The following ANK2 variants were observed in gnomAD, a reference collection of about 807,000 sequenced individuals.
ANK2 encodes ankyrin-2.
In ANK2, 83 loss-of-function variants were observed where a neutral mutation model predicts 360.5. The ratio of observed to expected loss-of-function variants is 0.23; its 90% CI spans 0.19 to 0.28. The LOEUF is 0.28. ANK2 is among the 10% of genes least tolerant of loss of function. ANK2 has a pLI of 1.00. For missense variants in ANK2, 4,201 were observed against 4,795.7 expected (o/e 0.88, Z 3.66); for synonymous variants, 1,740 against 1,759.5 (o/e 0.99, Z 0.28).
chr4:113,135,133 G>A (rs1236047173), intron 1 of ANK2, among the ~76,000 whole-genome samples: 3 of 151,842 alleles, frequency 2.0e-5, no homozygotes, highest in African/African-American at 4.9e-5. Flanking sequence ...GATAACTGTG[G>A]GGTGTTTTTG....
At position 113,345,962 on chromosome 4, in the gene ANK2, G is replaced by A. The variant is rs374770898; in HGVS notation, c.4311G>A (p.Thr1437=). The change falls in exon 35 of 46, where the codon ACG becomes ACA. Residue 1437 remains threonine, a synonymous_variant. Coordinates refer to ENST00000357077, the MANE Select transcript of ANK2 (RefSeq NM_001148.6). ...RLSFMKEPKS[T]RGLVHQAICN... ...CATTTATGAAGGAGCCAAAATCCAC[G>A]AGAGGCCTGGTGCATCAAGCTATTT... is the stretch of plus-strand genomic sequence containing the variant. 88 of 1,613,652 alleles carry A rather than the reference G, an allele frequency of 5.5e-5. No homozygotes were observed. The African/African-American group carries it at 5.9e-4, about 11-fold the overall frequency.
At chr4:112,799,867 A>G in the ANK2 span, among the ~76,000 whole-genome samples, 1 of 150,056 alleles carries the variant, frequency 6.7e-6, no homozygotes, top group South Asian at 2.1e-4. Flanking sequence ...AAATGTGTAA[A>G]GCAGTAGATT....
chr4:112,725,298 A>AC, the ANK2 span, among the ~76,000 whole-genome samples: 1 of 150,068 alleles, frequency 6.7e-6, no homozygotes, highest in African/African-American at 2.4e-5. Flanking sequence ...AAAAAAAAAA[A>AC]AAAACAGGAA....
rs78571992 is a variant in ANK2 at position 112,947,400 on chromosome 4, C to T, written c.21+42886C>T. On this transcript the variant is annotated intron_variant, in intron 2 of 30. Coordinates refer to the ANK2 transcript ENST00000503271. ...TCCATAAGCTTAAAGTTTGGAAAAG[C>T]GAAGCATGCAGGCATCTGGACCAAA... Among the ~76,000 whole-genome samples the T allele has an allele frequency of 7.7e-3, 1,175 of 152,116 alleles. 25 individuals are homozygous for T. Among genetic ancestry groups the T allele is most frequent in the East Asian group, 0.066 (344 of 5,174 alleles).
chr4:112,897,739 ATTCCCCTT>A, intron 1 of ANK2, among the ~76,000 whole-genome samples: 2 of 152,222 alleles, frequency 1.3e-5, no homozygotes, highest in Middle Eastern at 3.4e-3. Context: ...AGGCATTGCA[ATTCCCCTT>A]GCTCACCGTT....
chr4:113,088,941 T>C (rs2086306044), intron 1 of ANK2, among the ~76,000 whole-genome samples: 1 of 152,232 alleles, frequency 6.6e-6, no homozygotes, highest in Admixed American at 6.5e-5. Context: ...AGTTCTGCTC[T>C]AGTTAATTAT....
Position 113,354,374 on chromosome 4 carries a change from C to A in ANK2, c.5756C>A (p.Ser1919Tyr), listed in dbSNP as rs772992761. ...GACAAACGTCCACCTGTATCGCCCT[C>A]CGGGAGGACAGAAAAACACCCGCCA... ...KTDKRPPVSP[S>Y]GRTEKHPPVS... is the part of the protein sequence containing the mutation. Residue 1919 changes from serine (S) to tyrosine (Y), a missense_variant, in exon 38 of 46, where the codon TCC (serine) becomes TAC (tyrosine). Ser to Tyr is a moderately radical substitution (Grantham distance 144). Coordinates refer to ENST00000357077, the MANE Select transcript of ANK2 (RefSeq NM_001148.6). The A allele has an allele frequency of 3.7e-6, 6 of 1,613,944 alleles. No homozygotes were observed.
At chr4:112,992,432 C>G (rs555561966) in intron 2 of ANK2, among the ~76,000 whole-genome samples, 134 of 152,322 alleles carry the variant, frequency 8.8e-4, no homozygotes, top group African/African-American at 3.1e-3. Flanking sequence ...GTGTGAGCCA[C>G]AACGCCTGGC....
intron 1 of ANK2, among the ~76,000 whole-genome samples, chr4:112,842,486 C>T (rs540900547): frequency 6.6e-6 from 1 of 152,294 alleles, no homozygotes; most frequent in Admixed American, 6.5e-5. Context: ...TCATGGAAGA[C>T]AATTTTTGCA....
chr4:113,007,822 A>G (rs1561513190), intron 2 of ANK2, among the ~76,000 whole-genome samples: 2 of 152,184 alleles, frequency 1.3e-5, no homozygotes, highest in African/African-American at 4.8e-5. Flanking sequence ...AACAAAAGCT[A>G]GTATTGGAGT....
At chr4:113,026,745 G>A (rs2059366623) in intron 2 of ANK2, among the ~76,000 whole-genome samples, 2 of 152,180 alleles carry the variant, frequency 1.3e-5, no homozygotes, top group Admixed American at 1.3e-4. Flanking sequence ...GCAGGACGAT[G>A]AGTAATCAAG....
chr4:113,100,248 A>T (rs991173888), intron 1 of ANK2, among the ~76,000 whole-genome samples: 1 of 152,108 alleles, frequency 6.6e-6, no homozygotes, highest in Non-Finnish European at 1.5e-5. Context: ...TGTAGCCATT[A>T]TATACAAAGA....
chr4:113,333,006 TGTTA>T (rs2153941223), intron 28 of ANK2, 44 bp from the exon 29 acceptor site: 1 of 1,613,316 alleles, frequency 6.2e-7, no homozygotes, highest in Non-Finnish European at 8.5e-7. Flanking sequence ...CTTGTCTTGC[TGTTA>T]GTTAGCTCCT....
intron 1 of ANK2, among the ~76,000 whole-genome samples, chr4:113,106,584 A>G (rs756433051): frequency 1.4e-4 from 21 of 152,202 alleles, no homozygotes; most frequent in Non-Finnish European, 2.8e-4. Flanking sequence ...TGGAAAATAT[A>G]TAAGCAGAAT....
chr4:113,137,033 C>A (rs2096452295), intron 1 of ANK2, among the ~76,000 whole-genome samples: 2 of 152,142 alleles, frequency 1.3e-5, no homozygotes, highest in Non-Finnish European at 2.9e-5. Context: ...GCTGAGATTA[C>A]AGGCTGGCCA....
chr4:113,374,261 T>G (rs960293766), intron 45 of ANK2, among the ~76,000 whole-genome samples: 1 of 152,208 alleles, frequency 6.6e-6, no homozygotes, highest in South Asian at 2.1e-4. Flanking sequence ...ACTTCCCTTT[T>G]TCAGGGACAT....
chr4:113,191,044 C>T (rs961285500), intron 2 of ANK2, among the ~76,000 whole-genome samples: 1 of 152,026 alleles, frequency 6.6e-6, no homozygotes, highest in African/African-American at 2.4e-5. Context: ...ATGGCATTTA[C>T]ATAGGAGAGT....
At chr4:113,282,582 T>G in intron 17 of ANK2, 93 bp from the exon 18 acceptor site, 1 of 1,223,542 alleles carries the variant, frequency 8.2e-7, no homozygotes, top group Non-Finnish European at 1.2e-6. Context: ...AACTCTTCTA[T>G]TGATTAGAGA....
chr4:112,805,345 A>G, the ANK2 span, among the ~76,000 whole-genome samples: 2 of 152,214 alleles, frequency 1.3e-5, no homozygotes, highest in African/African-American at 4.8e-5. Context: ...AACCAGAAGT[A>G]TTTGCGGCAG....
Sources: gnomAD v4.1 joint callset for allele counts (sites outside exome capture counted in the v4.1 genomes callset) on GRCh38, gnomAD v4.1.1 for gene constraint, MANE v1.5 for transcripts, NCBI Gene and HGNC (gene_info 2026-07-23, HGNC 2026-07-21) for gene names.